Variants in BCAS3 observed in about 807,000 individuals in gnomAD.
The protein encoded by BCAS3 is BCAS3 microtubule associated cell migration factor, also known as BCAS4/BCAS3 fusion.
Under a neutral mutation model 116.1 loss-of-function variants are expected in BCAS3, and 53 were observed. The ratio of observed to expected loss-of-function variants is 0.46; its 90% CI spans 0.37 to 0.57. BCAS3 has a LOEUF of 0.57. BCAS3 is among the 20% of genes least tolerant of loss of function. The probability of loss-of-function intolerance (pLI) is 0.00; values close to 1 mark genes in which losing one functional copy is unlikely to be tolerated. For synonymous variants in BCAS3, 391 were observed against 408.2 expected (o/e 0.96, Z 0.51); for missense variants, 917 against 1,165.4 (o/e 0.79, Z 3.10).
At chr17:60,753,383 TTTTATTTATTTATTTA>T (rs35459382) in intron 6 of BCAS3, among the ~76,000 whole-genome samples, 104 of 135,638 alleles carry the variant, frequency 7.7e-4, no homozygotes, top group African/African-American at 2.5e-3. Context: ...TTGTCTCTTA[TTTTATTTATTTATTTA>T]TTTATTTATT....
intron 23 of BCAS3, among the ~76,000 whole-genome samples, chr17:61,382,171 T>G (rs1269571692): frequency 6.6e-6 from 1 of 151,186 alleles, no homozygotes; most frequent in Non-Finnish European, 1.5e-5. Flanking sequence ...CTACTAAAAA[T>G]ACAAAAATTA....
chr17:60,860,580 A>G (rs1479785722), intron 7 of BCAS3, among the ~76,000 whole-genome samples: 1 of 152,108 alleles, frequency 6.6e-6, no homozygotes, highest in Admixed American at 6.5e-5. Flanking sequence ...GGTATTTGCT[A>G]GGTTTTTGTT....
intron 22 of BCAS3, among the ~76,000 whole-genome samples, chr17:61,314,983 C>T (rs905600423): frequency 6.6e-6 from 1 of 152,140 alleles, no homozygotes; most frequent in African/African-American, 2.4e-5. Context: ...GCAGTCACCG[C>T]GCTTGTCTGA....
rs925193737 is a variant in BCAS3 at position 61,156,515 on chromosome 17, G to C, written c.2425+71951G>C. Among the ~76,000 whole-genome samples the C allele has an allele frequency of 2.0e-5, 3 of 152,172 alleles. No homozygotes were observed. The highest frequency in any genetic ancestry group is 2.9e-5 in the Non-Finnish European group (2 of 67,998). On this transcript the variant is annotated intron_variant, in intron 22 of 23. Transcript: ENST00000407086. The surrounding 1 kb of genome is among the most constrained non-coding windows in gnomAD (Gnocchi z 4.7). ...CTGAAATGGTCTCTTTGGTTTTGTA[G>C]GTTCAGACTGAGGTTGGAACGGGCT...
rs1012086223 is a variant in BCAS3, at chr17:61,334,233, A to G, written c.2426-34094A>G. Among the ~76,000 whole-genome samples the G allele has an allele frequency of 2.6e-5, 4 of 152,156 alleles. No individual in the cohort carries two copies. The South Asian group carries it at 8.3e-4, about 32-fold the overall frequency. ...AGGGAGGATATGGGGATCAATAGTT[A>G]CTTCCTTAGAAGTCATGGAAAAAGC... On this transcript the variant is annotated intron_variant, in intron 22 of 23. Transcript: ENST00000407086.
At chr17:60,815,434 A>C (rs1793041189) in intron 7 of BCAS3, among the ~76,000 whole-genome samples, 1 of 152,168 alleles carries the variant, frequency 6.6e-6, no homozygotes, top group African/African-American at 2.4e-5. Flanking sequence ...CCTAGAACTT[A>C]AAGTGTAATA....
intron 7 of BCAS3, among the ~76,000 whole-genome samples, chr17:60,862,049 C>T (rs1338151335): frequency 2.0e-5 from 3 of 151,846 alleles, no homozygotes; most frequent in East Asian, 1.9e-4. Context: ...TTCGGGAGGC[C>T]GAGGAGGGCG....
chr17:60,733,248 C>G (rs1459278480), intron 5 of BCAS3, among the ~76,000 whole-genome samples: 2 of 152,162 alleles, frequency 1.3e-5, no homozygotes, highest in African/African-American at 4.8e-5. Context: ...TTCTTTTCTA[C>G]TAAACTGTTA....
intron 6 of BCAS3, among the ~76,000 whole-genome samples, chr17:60,751,763 G>A (rs11657147): frequency 0.73 from 110,379 of 151,992 alleles, 45,754 homozygotes; most frequent in South Asian, 0.98. Context: ...GGCTGGTCTC[G>A]AACTCCTGAC....
rs1336643036 is a variant in BCAS3, at chr17:61,388,771, G to C, written c.2594-3206G>C. 1.4e-6 allele frequency: 2 copies of C among 1,450,210 alleles called. No homozygotes were observed. Among genetic ancestry groups the C allele is most frequent in the East Asian group, 2.5e-5 (1 of 40,360 alleles). The allele number at this position is 1,450,210 out of a possible 1,614,324, so 89.8% of individuals were successfully genotyped here. A position where few individuals can be genotyped will look rare whatever the true frequency, so the allele number is the denominator to read the frequency against. ...GGCTGGGCGGCCGGGATGACTTGGA[G>C]GGGGGAATCTGAGCAGCCCTCCTCC... On this transcript the variant is annotated intron_variant, in intron 23 of 23. Transcript: ENST00000407086. The surrounding 1 kb of genome is among the most constrained non-coding windows in gnomAD (Gnocchi z 6.5).
At chr17:61,183,622 C>T (rs2079602396) in intron 22 of BCAS3, among the ~76,000 whole-genome samples, 4 of 152,054 alleles carry the variant, frequency 2.6e-5, no homozygotes, top group Admixed American at 2.0e-4. Flanking sequence ...GTGCAGTTTG[C>T]TGTGAGTTTA....
intron 14 of BCAS3, among the ~76,000 whole-genome samples, chr17:60,966,625 A>G (rs1197619191): frequency 6.6e-6 from 1 of 151,724 alleles, no homozygotes; most frequent in Non-Finnish European, 1.5e-5. Context: ...CATAAAGAAC[A>G]TGTAAAAAAA....
Position 61,132,979 on chromosome 17 carries a change from G to A in BCAS3, c.2425+48415G>A, listed in dbSNP as rs1403064943. ...TTCTTGGAGAAAGTCTCACTGTACTGAAAGAATCTTGTCAGATATCCAAGG... is the reference window on the plus strand; with the variant it reads ...TTCTTGGAGAAAGTCTCACTGTACTAAAAGAATCTTGTCAGATATCCAAGG... On this transcript the variant is annotated intron_variant, in intron 22 of 23. Transcript: ENST00000407086. The surrounding 1 kb of genome is among the most constrained non-coding windows in gnomAD (Gnocchi z 5.1). Among the ~76,000 whole-genome samples the A allele has an allele frequency of 1.3e-5, 2 of 152,170 alleles. No homozygotes were observed. The highest frequency in any genetic ancestry group is 2.9e-5 in the Non-Finnish European group (2 of 68,020).
chr17:60,755,965 G>T (rs902535879), intron 6 of BCAS3, among the ~76,000 whole-genome samples: 1 of 152,074 alleles, frequency 6.6e-6, no homozygotes, highest in African/African-American at 2.4e-5. Context: ...CTCTCTTGTA[G>T]CTACTTTGAA....
intron 4 of BCAS3, among the ~76,000 whole-genome samples, chr17:60,695,237 C>T (rs1321900469): frequency 6.6e-5 from 10 of 151,646 alleles, no homozygotes; most frequent in Non-Finnish European, 8.8e-5. Context: ...TCTCCTGCCT[C>T]GGCCTCCTTA....
intron 15 of BCAS3, among the ~76,000 whole-genome samples, chr17:61,001,255 G>A (rs2064218029): frequency 1.3e-5 from 2 of 152,100 alleles, no homozygotes; most frequent in South Asian, 2.1e-4. Flanking sequence ...TCAGTAAAGT[G>A]CTTTTACAAA....
rs573421123 is a variant in BCAS3 at position 60,960,145 on chromosome 17, T to C, written c.1221+12793T>C. Among the ~76,000 whole-genome samples, 6 of 152,338 alleles carry C rather than the reference T, an allele frequency of 3.9e-5. 1 individual carries two copies. In the South Asian group the frequency reaches 1.2e-3, roughly 32 times the overall value. On this transcript the variant is annotated intron_variant, in intron 14 of 23. Coordinates refer to ENST00000407086, the MANE Select transcript of BCAS3 (RefSeq NM_017679.5). The surrounding 1 kb of genome is among the most constrained non-coding windows in gnomAD (Gnocchi z 4.1). ...GGCTATAATTCACTTCTCTGTATTC[T>C]ATCCTCTGCCTCCCAGAATTCATGT...
intron 19 of BCAS3, among the ~76,000 whole-genome samples, chr17:61,044,467 T>A (rs531095926): frequency 0.017 from 2,091 of 121,202 alleles, 32 homozygotes; most frequent in Non-Finnish European, 0.023. Flanking sequence ...AAAAAAAAAA[T>A]ATATATATAT....
At chr17:60,813,955 G>T (rs960816308) in intron 7 of BCAS3, among the ~76,000 whole-genome samples, 1 of 152,096 alleles carries the variant, frequency 6.6e-6, no homozygotes, top group Non-Finnish European at 1.5e-5. Context: ...TTGAAGTCAG[G>T]TAATATAATG....
Sources: allele counts gnomAD v4.1 joint callset (sites outside exome capture counted in the v4.1 genomes callset), GRCh38; gene constraint gnomAD v4.1.1; non-coding constraint Gnocchi (gnomAD v3.1); transcripts MANE v1.5; gene names NCBI Gene and HGNC (gene_info 2026-07-23, HGNC 2026-07-21).